ZNG1A: variants seen among roughly 807,000 people sequenced by gnomAD.
ZNG1A encodes Zn regulated GTPase metalloprotein activator 1A, also known as zinc-regulated GTPase metalloprotein activator 1A.
chr9:172,181 T>A, the ZNG1A span: 1 of 1,610,444 alleles, frequency 6.2e-7, no homozygotes. Flanking sequence ...CCCTGGAGAA[T>A]ACCAAAACAT....
At chr9:166,922 G>A in the ZNG1A span, 2 of 151,980 alleles carry the variant, frequency 1.3e-5, no homozygotes, top group Non-Finnish European at 2.9e-5. Context: ...TGAAGTAGAG[G>A]ATCTAATAAT....
At chr9:131,320 A>G in the ZNG1A span, among the ~76,000 whole-genome samples, 2 of 147,432 alleles carry the variant, frequency 1.4e-5, no homozygotes, top group Admixed American at 6.7e-5. Context: ...AAAATTTAGG[A>G]ACAACTTACT....
At chr9:130,169 A>C in the ZNG1A span, among the ~76,000 whole-genome samples, 1 of 150,570 alleles carries the variant, frequency 6.6e-6, no homozygotes, top group East Asian at 1.9e-4. Flanking sequence ...CTATTTTAAA[A>C]CTATTTTTAT....
At chr9:174,933 C>A in the ZNG1A span, among the ~76,000 whole-genome samples, 1 of 150,252 alleles carries the variant, frequency 6.7e-6, no homozygotes, top group African/African-American at 2.5e-5. Flanking sequence ...GGATAAAGAC[C>A]ATATGTTTAC....
chr9:122,209 A>C, the ZNG1A span: 1 of 1,414,952 alleles, frequency 7.1e-7, no homozygotes, highest in African/African-American at 1.5e-5. Flanking sequence ...ACAAACTCTT[A>C]AGCTGAGAAA....
chr9:126,903 G>C, the ZNG1A span, among the ~76,000 whole-genome samples: 7 of 152,016 alleles, frequency 4.6e-5, no homozygotes, highest in African/African-American at 1.7e-4. Context: ...CGTTCAGTTT[G>C]AGGAATTGTT....
the ZNG1A span, among the ~76,000 whole-genome samples, chr9:162,979 C>T: frequency 3.3e-5 from 5 of 152,028 alleles, no homozygotes; most frequent in African/African-American, 4.8e-5. Context: ...ATAACATATG[C>T]CTAAGTTTCC....
chr9:170,560 AT>A, the ZNG1A span, among the ~76,000 whole-genome samples: 1 of 149,828 alleles, frequency 6.7e-6, no homozygotes, highest in East Asian at 1.9e-4. Context: ...TAGTTTTTGA[AT>A]TTTCAGTAGA....
At chr9:146,293 T>A in the ZNG1A span, 1 of 758,824 alleles carries the variant, frequency 1.3e-6, no homozygotes, top group Non-Finnish European at 2.1e-6. Flanking sequence ...AAGATTTGAA[T>A]CACAGTTGAA....
At chr9:146,560 A>G in the ZNG1A span, 16 of 180,266 alleles carry the variant, frequency 8.9e-5, no homozygotes, top group South Asian at 1.0e-3. Flanking sequence ...CCCTCCCTTG[A>G]TATAACATGT....
the ZNG1A span, among the ~76,000 whole-genome samples, chr9:137,533 C>T: frequency 6.6e-6 from 1 of 152,230 alleles, no homozygotes; most frequent in East Asian, 1.9e-4. Flanking sequence ...GGGATCATGG[C>T]TAACTAGTGA....
chr9:166,607 TC>T, the ZNG1A span: 1 of 152,626 alleles, frequency 6.6e-6, no homozygotes, highest in African/African-American at 2.4e-5. Flanking sequence ...AACAACTTCA[TC>T]ATAATGAAGA....
the ZNG1A span, among the ~76,000 whole-genome samples, chr9:142,645 G>C: frequency 9.9e-6 from 1 of 100,820 alleles, no homozygotes; most frequent in Non-Finnish European, 1.9e-5. Flanking sequence ...AGAAAAGCAA[G>C]AGCAAACACA....
At chr9:143,800 C>G in the ZNG1A span, among the ~76,000 whole-genome samples, 56 of 101,742 alleles carry the variant, frequency 5.5e-4, no homozygotes, top group Non-Finnish European at 1.7e-4. Context: ...AAAACCCCAT[C>G]GTCTCAGCCC....
chr9:156,268 A>G, the ZNG1A span, among the ~76,000 whole-genome samples: 1 of 151,158 alleles, frequency 6.6e-6, no homozygotes, highest in Non-Finnish European at 1.5e-5. Context: ...TGTGTTCAGC[A>G]TTCACTTTAT....
At chr9:160,248 G>A in the ZNG1A span, 166 of 451,730 alleles carry the variant, frequency 3.7e-4, no homozygotes, top group African/African-American at 2.9e-3. Flanking sequence ...GCTGGCCACA[G>A]GGTACCATTT....
chr9:139,571 A>G, the ZNG1A span, among the ~76,000 whole-genome samples: 3 of 152,124 alleles, frequency 2.0e-5, no homozygotes, highest in Admixed American at 6.5e-5. Flanking sequence ...AGAATAACTA[A>G]TCTTTCTTCC....
At chr9:154,920 A>T in the ZNG1A span, 3 of 973,076 alleles carry the variant, frequency 3.1e-6, no homozygotes, top group African/African-American at 3.3e-5. Flanking sequence ...AGATCAATAT[A>T]TCAGTTAAGA....
chr9:177,574 T>C, the ZNG1A span: 10 of 1,421,004 alleles, frequency 7.0e-6, no homozygotes, highest in Middle Eastern at 2.5e-4. Context: ...AGAAGAAAAA[T>C]GTAGTAGAAG....
Sources: gnomAD v4.1 joint callset for allele counts (sites outside exome capture counted in the v4.1 genomes callset) on GRCh38, gnomAD v4.1.1 for gene constraint, MANE v1.5 for transcripts, NCBI Gene and HGNC (gene_info 2026-07-23, HGNC 2026-07-21) for gene names.